Variants in ADAMTS20 observed in about 807,000 individuals in gnomAD.
ADAMTS20 encodes the protein A disintegrin and metalloproteinase with thrombospondin motifs 20.
ADAMTS20 carries 225 observed loss-of-function variants against 260.1 expected under a neutral mutation model. That is an observed-to-expected ratio of 0.87 (90% CI 0.78 to 0.97). ADAMTS20 has a LOEUF of 0.97. Ranked by LOEUF, ADAMTS20 falls within the 50% of genes least tolerant of loss-of-function variation. The probability of loss-of-function intolerance (pLI) is 0.00; values close to 1 mark genes in which losing one functional copy is unlikely to be tolerated. For synonymous variants in ADAMTS20, 802 were observed against 769.5 expected, an observed-to-expected ratio of 1.04 and a Z score of -0.70; for missense variants, 2,400 against 2,337.7, an observed-to-expected ratio of 1.03 and a Z score of -0.55.
intron 37 of ADAMTS20, among the ~76,000 whole-genome samples, chr12:43,367,242 G>GA (rs1293893216): frequency 1.3e-5 from 2 of 151,264 alleles, no homozygotes; most frequent in Admixed American, 6.6e-5. Context: ...GATATCACAA[G>GA]AAAAAAAATG....
intron 15 of ADAMTS20, among the ~76,000 whole-genome samples, chr12:43,444,154 A>C (rs1941718631): frequency 6.6e-6 from 1 of 152,132 alleles, no homozygotes. Context: ...ATAGAATGGA[A>C]TGAAGCTAGT....
chr12:43,451,440 A>C (rs1273834419), intron 14 of ADAMTS20, among the ~76,000 whole-genome samples: 2 of 151,954 alleles, frequency 1.3e-5, no homozygotes, highest in Admixed American at 6.6e-5. Context: ...AAATCGAATC[A>C]CATCTCTCCC....
intron 28 of ADAMTS20, among the ~76,000 whole-genome samples, chr12:43,419,088 TGA>T (rs1036456264): frequency 3.9e-5 from 6 of 152,220 alleles, no homozygotes; most frequent in South Asian, 2.1e-4. Flanking sequence ...AGAACAGTTG[TGA>T]GAGAAAAGTT....
rs77957292 is a variant in ADAMTS20 at position 43,453,603 on chromosome 12, G to T, written c.1760+304C>A. Reference sequence around the variant, plus strand: ...ATGTTTCATTAGGCATACAGTAAATGTGAAAATGACATTATATAACTGTGA... The same window carrying T: ...ATGTTTCATTAGGCATACAGTAAATTTGAAAATGACATTATATAACTGTGA... On this transcript the variant is annotated intron_variant, in intron 12 of 38. Transcript: ENST00000389420. 2.6e-4 allele frequency among the ~76,000 whole-genome samples: 40 copies of T among 152,054 alleles called. No individual in the cohort carries two copies. In the East Asian group the frequency reaches 7.3e-3, roughly 28 times the overall value.
chr12:43,546,581 C>T (rs972928497), intron 2 of ADAMTS20, among the ~76,000 whole-genome samples: 1 of 152,106 alleles, frequency 6.6e-6, no homozygotes, highest in African/African-American at 2.4e-5. Context: ...AAATACTGAT[C>T]TCTAAATACG....
At chr12:43,490,506 G>C in intron 6 of ADAMTS20, 71 bp from the exon 7 acceptor site, 2 of 811,372 alleles carry the variant, frequency 2.5e-6, no homozygotes, top group East Asian at 6.5e-5. Flanking sequence ...TAAAAATAAA[G>C]AAGCTTTAAC....
intron 28 of ADAMTS20, among the ~76,000 whole-genome samples, chr12:43,399,600 A>G (rs938248958): frequency 2.6e-5 from 4 of 152,166 alleles, no homozygotes; most frequent in African/African-American, 7.2e-5. Context: ...TGTAGCATCA[A>G]TACCCATTCT....
chr12:43,526,564 A>C (rs555773281), intron 3 of ADAMTS20, among the ~76,000 whole-genome samples: 1 of 152,338 alleles, frequency 6.6e-6, no homozygotes, highest in East Asian at 1.9e-4. Context: ...CATGGAAATT[A>C]AACAATCTGC....
intron 3 of ADAMTS20, among the ~76,000 whole-genome samples, chr12:43,523,431 G>T (rs1469087367): frequency 6.6e-6 from 1 of 152,064 alleles, no homozygotes; most frequent in South Asian, 2.1e-4. Context: ...ACCTCAAGTG[G>T]GGAAGAACTC....
In ADAMTS20 at chr12:43,425,266, TG is replaced by T. The variant is rs375438211; in HGVS notation, c.4284+247del. Among the ~76,000 whole-genome samples the T allele has an allele frequency of 6.0e-3, 908 of 151,444 alleles. 11 individuals carry two copies. Among genetic ancestry groups the T allele is most frequent in the African/African-American group, 0.021 (858 of 41,276 alleles). ...ACTGGGGCCTGTTGGGGGAGGAGTG[TG>T]GGGGGCAGGGAGAGCATCAGAAAGA... On this transcript the variant is annotated intron_variant, in intron 28 of 38. Transcript: ENST00000389420.
intron 31 of ADAMTS20, among the ~76,000 whole-genome samples, chr12:43,382,432 A>T (rs1411448048): frequency 6.6e-6 from 1 of 152,144 alleles, no homozygotes. Flanking sequence ...CAGAACAGGC[A>T]AATCCACAGA....
chr12:43,532,284 A>AG, intron 2 of ADAMTS20, 89 bp from the exon 3 acceptor site: 1 of 1,168,418 alleles, frequency 8.6e-7, no homozygotes, highest in South Asian at 1.7e-5. Context: ...GAGCAGACAG[A>AG]AGCAAAACAG....
In ADAMTS20 at chr12:43,439,845, G is replaced by A. The variant is rs1009829868; in HGVS notation, c.2463+52C>T. ...GATAATGTTAAGCACTTAACCAGTA[G>A]TTTACTAATATAATTAAATCCAAGT... On this transcript the variant is annotated intron_variant, in intron 17 of 38. Coordinates refer to ENST00000389420, the MANE Select transcript of ADAMTS20 (RefSeq NM_025003.5). 155 of 1,562,490 alleles carry A rather than the reference G, an allele frequency of 9.9e-5. 2 individuals are homozygous for A. The highest frequency in any genetic ancestry group is 9.6e-5 in the Non-Finnish European group (110 of 1,149,508).
At position 43,550,955 on chromosome 12, in the gene ADAMTS20, T is replaced by C. The variant is rs752558872; in HGVS notation, c.407A>G (p.Asn136Ser). 3.1e-6 allele frequency: 5 copies of C among 1,599,166 alleles called. No homozygotes were observed. In the East Asian group the frequency reaches 9.0e-5, roughly 29 times the overall value. Residue 136 changes from asparagine (N) to serine (S), a missense_variant, in exon 2 of 39, where the codon AAC becomes AGC. Asn to Ser is a conservative substitution (Grantham distance 46, BLOSUM62 1). Coordinates refer to ENST00000389420, the MANE Select transcript of ADAMTS20 (RefSeq NM_025003.5). ...LRHCFYRGQV[N>S]SQEDYKAVVS... is the part of the protein sequence containing the mutation. ...GACGGCCTTGTAATCCTCCTGTGAG[T>C]TGACCTGGCCGCGGTAGAAGCAGTG...
Position 43,453,209 on chromosome 12 carries a change from C to T in ADAMTS20, c.1761-514G>A, listed in dbSNP as rs184610077. ...CAGAATTTTTGGAATATAAAGACTT[C>T]TAGTATAATTTATCCTAAAATTTAA... On this transcript the variant is annotated intron_variant, in intron 12 of 38. Transcript: ENST00000389420. Among the ~76,000 whole-genome samples, 843 of 152,076 alleles carry T rather than the reference C, an allele frequency of 5.5e-3. 5 individuals carry two copies. The highest frequency in any genetic ancestry group is 7.1e-3 in the Non-Finnish European group (484 of 67,982).
chr12:43,538,601 G>A lies in ADAMTS20; in HGVS notation c.454-6406C>T, dbSNP rs148579264. Among the ~76,000 whole-genome samples the A allele has an allele frequency of 6.0e-3, 911 of 152,272 alleles. 9 individuals carry two copies. Among genetic ancestry groups the A allele is most frequent in the African/African-American group, 0.021 (870 of 41,546 alleles). On this transcript the variant is annotated intron_variant, in intron 2 of 38. Coordinates refer to ENST00000389420, the MANE Select transcript of ADAMTS20 (RefSeq NM_025003.5). ...TCAAAAAATTTTTGCCCAGCCCAAT[G>A]TCCTGAACATTTTCCCTAGTGTTTT...
At chr12:43,404,079 T>C (rs964650683) in intron 28 of ADAMTS20, among the ~76,000 whole-genome samples, 1 of 152,058 alleles carries the variant, frequency 6.6e-6, no homozygotes, top group African/African-American at 2.4e-5. Flanking sequence ...AGAATTTTTT[T>C]AGCATCCTTT....
chr12:43,397,295 G>T (rs999684099), intron 29 of ADAMTS20, among the ~76,000 whole-genome samples: 1 of 152,156 alleles, frequency 6.6e-6, no homozygotes, highest in Admixed American at 6.6e-5. Flanking sequence ...GTGAGCATGG[G>T]TTAGGTTTTA....
At chr12:43,465,962 G>A (rs1030913121) in intron 9 of ADAMTS20, among the ~76,000 whole-genome samples, 11 of 152,082 alleles carry the variant, frequency 7.2e-5, no homozygotes, top group Non-Finnish European at 1.6e-4. Flanking sequence ...TAGAAGAAGT[G>A]AAGTAGTGTT....
Sources: gnomAD v4.1 joint callset for allele counts (sites outside exome capture counted in the v4.1 genomes callset) on GRCh38, gnomAD v4.1.1 for gene constraint, MANE v1.5 for transcripts, NCBI Gene and HGNC (gene_info 2026-07-23, HGNC 2026-07-21) for gene names.